WDPCP: variants seen among roughly 807,000 people sequenced by gnomAD.
WDPCP encodes WD repeat containing planar cell polarity effector.
Under a neutral mutation model 93.1 loss-of-function variants are expected in WDPCP, and 71 were observed. That is an observed-to-expected ratio of 0.76 (90% confidence interval 0.63 to 0.93). WDPCP has a LOEUF of 0.93. Ranked by LOEUF, WDPCP falls within the 40% of genes least tolerant of loss-of-function variation. The pLI, the probability that WDPCP is intolerant of heterozygous loss-of-function variation, is 0.00. For synonymous variants in WDPCP, 315 were observed against 315.0 expected, an observed-to-expected ratio of 1.00 and a Z score of 0.00; for missense variants, 844 against 887.4, an observed-to-expected ratio of 0.95 and a Z score of 0.62.
At chr2:63,578,130 G>A (rs1234764847) in intron 1 of WDPCP, among the ~76,000 whole-genome samples, 1 of 152,046 alleles carries the variant, frequency 6.6e-6, no homozygotes, top group Non-Finnish European at 1.5e-5. Flanking sequence ...TCTTAATCAG[G>A]CCAAATTAAT....
chr2:63,421,344 C>T (rs1575387427), intron 9 of WDPCP, among the ~76,000 whole-genome samples: 1 of 151,984 alleles, frequency 6.6e-6, no homozygotes, highest in East Asian at 1.9e-4. Flanking sequence ...TCCTCCAATC[C>T]ACAGAACTAG....
At chr2:63,714,371 C>G (rs1021211746) in intron 2 of WDPCP, among the ~76,000 whole-genome samples, 1 of 152,054 alleles carries the variant, frequency 6.6e-6, no homozygotes, top group African/African-American at 2.4e-5. Context: ...CCTGGCCTTC[C>G]TTTTATTCTT....
intron 2 of WDPCP, among the ~76,000 whole-genome samples, chr2:63,697,920 G>A (rs1668982468): frequency 6.9e-6 from 1 of 145,162 alleles, no homozygotes; most frequent in Non-Finnish European, 1.5e-5. Flanking sequence ...AAAGTGCTGG[G>A]ACTACAGGTA....
chr2:63,383,499 G>C (rs549809857), intron 10 of WDPCP, among the ~76,000 whole-genome samples: 99 of 152,270 alleles, frequency 6.5e-4, no homozygotes, highest in Non-Finnish European at 1.1e-3. Context: ...CAGATCACTT[G>C]AGGTCAGGAG....
the WDPCP span, among the ~76,000 whole-genome samples, chr2:63,835,684 T>C: frequency 2.0e-5 from 3 of 152,092 alleles, no homozygotes; most frequent in African/African-American, 7.2e-5. Context: ...AACATTAGTA[T>C]TTCATATTTT....
chr2:63,601,173 T>C (rs1307122636), intron 3 of WDPCP, among the ~76,000 whole-genome samples: 2 of 152,240 alleles, frequency 1.3e-5, no homozygotes, highest in East Asian at 1.9e-4. Flanking sequence ...AGCATGTCAA[T>C]CTGGCATAGT....
chr2:63,430,858 G>GT (rs1391128004), intron 9 of WDPCP, among the ~76,000 whole-genome samples: 3 of 152,222 alleles, frequency 2.0e-5, no homozygotes, highest in Non-Finnish European at 2.9e-5. Flanking sequence ...CTCCAGCCTG[G>GT]TGACAGAGCG....
At chr2:63,401,747 G>A (rs543147244) in intron 10 of WDPCP, among the ~76,000 whole-genome samples, 90 of 152,284 alleles carry the variant, frequency 5.9e-4, no homozygotes, top group African/African-American at 2.1e-3. Context: ...GGAGGTTGCC[G>A]TGAGCTGAGA....
the WDPCP span, among the ~76,000 whole-genome samples, chr2:63,835,389 CAAAAAAAAAAAAA>C: frequency 9.4e-5 from 4 of 42,352 alleles, no homozygotes; most frequent in African/African-American, 3.6e-4. Context: ...GACTCCATCT[CAAAAAAAAAAAAA>C]AAAAAAAAAA....
intron 2 of WDPCP, among the ~76,000 whole-genome samples, chr2:63,765,233 T>G (rs2103927352): frequency 6.6e-6 from 1 of 152,278 alleles, no homozygotes; most frequent in African/African-American, 2.4e-5. Context: ...CAGGGAAGAC[T>G]TTCCTGAGGA....
At chr2:63,389,286 A>T (rs940147331) in intron 10 of WDPCP, among the ~76,000 whole-genome samples, 5 of 152,222 alleles carry the variant, frequency 3.3e-5, no homozygotes, top group African/African-American at 1.2e-4. Context: ...AGAATCTCAT[A>T]TCCAGCCAAA....
At chr2:63,386,411 C>G (rs10199943) in intron 10 of WDPCP, among the ~76,000 whole-genome samples, 84,966 of 151,276 alleles carry the variant, frequency 0.56, 24,149 homozygotes, top group Admixed American at 0.63. Flanking sequence ...GATTTGAAGA[C>G]ATACTTCATC....
intron 1 of WDPCP, among the ~76,000 whole-genome samples, chr2:63,550,239 A>ACACC (rs1269190423): frequency 2.4e-4 from 2 of 8,200 alleles, no homozygotes; most frequent in Non-Finnish European, 1.7e-4. Flanking sequence ...ACACACACAC[A>ACACC]CCCTTCCTCT....
At chr2:63,754,879 C>G (rs1315990692) in intron 2 of WDPCP, among the ~76,000 whole-genome samples, 1 of 152,072 alleles carries the variant, frequency 6.6e-6, no homozygotes, top group African/African-American at 2.4e-5. Context: ...AAATTTGGAC[C>G]CAATTTCTTA....
chr2:63,697,086 C>T (rs1277059175), intron 2 of WDPCP, among the ~76,000 whole-genome samples: 2 of 152,126 alleles, frequency 1.3e-5, no homozygotes, highest in Non-Finnish European at 2.9e-5. Flanking sequence ...CCTATTCAGT[C>T]TTAAAATGAT....
chr2:63,621,962 G>A (rs1237823780), intron 3 of WDPCP, among the ~76,000 whole-genome samples: 1 of 151,678 alleles, frequency 6.6e-6, no homozygotes, highest in African/African-American at 2.4e-5. Flanking sequence ...GTGCCGTACT[G>A]GTGCACTGCA....
At chr2:63,736,414 C>A (rs1319461139) in intron 2 of WDPCP, among the ~76,000 whole-genome samples, 1 of 152,230 alleles carries the variant, frequency 6.6e-6, no homozygotes, top group Non-Finnish European at 1.5e-5. Flanking sequence ...TGCAATGTAG[C>A]AACCACTTAA....
At chr2:63,779,751 G>T (rs1441007449) in intron 2 of WDPCP, among the ~76,000 whole-genome samples, 3 of 152,092 alleles carry the variant, frequency 2.0e-5, no homozygotes, top group Non-Finnish European at 4.4e-5. Context: ...TTTCACCAAA[G>T]TTTTTCAAAT....
chr2:63,238,392 T>G (rs1261113357), intron 14 of WDPCP, among the ~76,000 whole-genome samples: 9 of 152,292 alleles, frequency 5.9e-5, no homozygotes, highest in Admixed American at 5.9e-4. Context: ...TTTTAAAATT[T>G]TATTTAATTT....
Sources: gnomAD v4.1 joint callset for allele counts (sites outside exome capture counted in the v4.1 genomes callset) on GRCh38, gnomAD v4.1.1 for gene constraint, MANE v1.5 for transcripts, NCBI Gene and HGNC (gene_info 2026-07-23, HGNC 2026-07-21) for gene names.